TGIF1: variants seen among roughly 807,000 people sequenced by gnomAD.
TGIF1 encodes homeobox protein TGIF1.
TGIF1 carries 4 observed loss-of-function variants against 19.3 expected under a neutral mutation model. That is an observed-to-expected ratio of 0.21 (90% confidence interval 0.10 to 0.47). The LOEUF is 0.47. TGIF1 is among the 20% of genes least tolerant of loss of function. The pLI is 0.98. For missense variants in TGIF1, 275 were observed against 341.4 expected, an observed-to-expected ratio of 0.81 and a Z score of 1.53; for synonymous variants, 122 against 129.3, an observed-to-expected ratio of 0.94 and a Z score of 0.38.
upstream of TGIF1, chr18:3,448,362 C>T (rs1360640457): frequency 2.0e-6 from 2 of 1,008,406 alleles, no homozygotes; most frequent in African/African-American, 3.5e-5. Flanking sequence ...AGGCGGCCCC[C>T]TCTAACGGGC....
chr18:3,416,697 A>T (rs2143110975), intron 1 of TGIF1, among the ~76,000 whole-genome samples: 1 of 152,140 alleles, frequency 6.6e-6, no homozygotes, highest in South Asian at 2.1e-4. Flanking sequence ...TTGGGAGGCC[A>T]AGAGGGGGCA....
chr18:3,430,081 G>A (rs1182858754), intron 2 of TGIF1, among the ~76,000 whole-genome samples: 1 of 152,214 alleles, frequency 6.6e-6, no homozygotes, highest in Non-Finnish European at 1.5e-5. Flanking sequence ...GCTTGAAATT[G>A]GGAGGCAGGG....
chr18:3,429,674 G>C (rs2082521545), intron 2 of TGIF1, among the ~76,000 whole-genome samples: 1 of 152,164 alleles, frequency 6.6e-6, no homozygotes, highest in African/African-American at 2.4e-5. Context: ...AGTGACCAAA[G>C]CATGATGTTA....
chr18:3,422,190 T>TCA (rs2082408024), intron 2 of TGIF1, among the ~76,000 whole-genome samples: 1 of 121,038 alleles, frequency 8.3e-6, no homozygotes, highest in African/African-American at 2.9e-5. Context: ...TGAGACACCG[T>TCA]AAAAAAAAAA....
In TGIF1 at chr18:3,457,151, A is replaced by AT; in HGVS notation, c.244-211dup. Reference sequence around the variant, plus strand: ...TAAGTATGAAGAGACAAAAAAGGAAATTTGTATTAGAAACTAGAAGGCTTA... The same window carrying AT: ...TAAGTATGAAGAGACAAAAAAGGAAATTTTGTATTAGAAACTAGAAGGCTTA... On this transcript the variant is annotated intron_variant, in intron 2 of 2. Coordinates refer to ENST00000343820, the MANE Select transcript of TGIF1 (RefSeq NM_003244.4). This position sits in a 1 kb window ranked among gnomAD's most constrained non-coding sequence, Gnocchi z 4.9. 6 of 628,346 alleles carry AT rather than the reference A, an allele frequency of 9.5e-6. No individual in the cohort carries two copies. In the South Asian group the frequency reaches 1.2e-4, roughly 13 times the overall value. The allele number at this position is 628,346 out of a possible 1,614,324, so 38.9% of individuals were successfully genotyped here.
chr18:3,419,336 C>A (rs2082371211), intron 2 of TGIF1, among the ~76,000 whole-genome samples: 1 of 152,136 alleles, frequency 6.6e-6, no homozygotes. Flanking sequence ...CAGATTATGA[C>A]CCCTGCTTTA....
chr18:3,441,824 C>T (rs2082680079), intron 2 of TGIF1, among the ~76,000 whole-genome samples: 1 of 152,122 alleles, frequency 6.6e-6, no homozygotes, highest in South Asian at 2.1e-4. Flanking sequence ...AATCTGCCTC[C>T]TTATTGTTTC....
upstream of TGIF1, chr18:3,447,832 T>C (rs1292661894): frequency 6.2e-7 from 1 of 1,613,202 alleles, no homozygotes; most frequent in Admixed American, 1.7e-5. Context: ...CTCCCCCTAA[T>C]TCGAAAGAGG....
At chr18:3,442,759 G>A (rs1318326958) in intron 2 of TGIF1, among the ~76,000 whole-genome samples, 1 of 151,998 alleles carries the variant, frequency 6.6e-6, no homozygotes. Flanking sequence ...AAAAAATAAT[G>A]TTATGAATAA....
At chr18:3,420,191 G>C (rs1238911890) in intron 2 of TGIF1, among the ~76,000 whole-genome samples, 1 of 151,936 alleles carries the variant, frequency 6.6e-6, no homozygotes, top group Non-Finnish European at 1.5e-5. Context: ...GACCATCCTG[G>C]CCAACATGAT....
intron 1 of TGIF1, among the ~76,000 whole-genome samples, chr18:3,450,935 G>A (rs893792310): frequency 6.6e-6 from 1 of 152,036 alleles, no homozygotes; most frequent in African/African-American, 2.4e-5. Context: ...GGACCGCCGC[G>A]GCTTTGTCTG....
At chr18:3,427,707 C>A (rs1287224135) in intron 2 of TGIF1, among the ~76,000 whole-genome samples, 1 of 150,814 alleles carries the variant, frequency 6.6e-6, no homozygotes, top group Non-Finnish European at 1.5e-5. Flanking sequence ...TCAAGCAATT[C>A]TCCTGCCTCA....
At chr18:3,445,723 CAAA>C (rs141550400), upstream of TGIF1, among the ~76,000 whole-genome samples, 102 of 17,682 alleles carry the variant, frequency 5.8e-3, no homozygotes, top group African/African-American at 0.021. Context: ...GACTCTGTCT[CAAA>C]AAAAAAAAAA....
At chr18:3,450,570 G>A in intron 1 of TGIF1, 65 bp downstream of exon 1, 3 of 1,549,272 alleles carry the variant, frequency 1.9e-6, no homozygotes, top group Non-Finnish European at 2.6e-6. Flanking sequence ...TGGCCGGGCC[G>A]CGCCGCGCGG....
chr18:3,457,772 G>A lies in TGIF1; in HGVS notation c.651G>A (p.Glu217=), dbSNP rs778489475. 3.7e-6 allele frequency: 6 copies of A among 1,614,058 alleles called. No homozygotes were observed. Among genetic ancestry groups the A allele is most frequent in the Non-Finnish European group, 2.5e-6 (3 of 1,180,022 alleles). ...CAGACACCTCTCTCATGTACCCAGAGGACACTTGTAAATCTGGACCAAGTA... is the reference window on the plus strand; with the variant it reads ...CAGACACCTCTCTCATGTACCCAGAAGACACTTGTAAATCTGGACCAAGTA... ...NFTDTSLMYP[E]DTCKSGPSTN... Residue 217 remains glutamate, a synonymous_variant, in exon 3 of 3, where the codon GAG becomes GAA. Coordinates refer to ENST00000343820, the MANE Select transcript of TGIF1 (RefSeq NM_003244.4). The surrounding 1 kb of genome is among the most constrained non-coding windows in gnomAD (Gnocchi z 4.9).
At chr18:3,443,441 CTT>C (rs1481428710) in intron 2 of TGIF1, among the ~76,000 whole-genome samples, 2 of 150,852 alleles carry the variant, frequency 1.3e-5, no homozygotes, top group Non-Finnish European at 2.9e-5. Flanking sequence ...GGGTTTCGCT[CTT>C]GTCTCCCAGA....
At chr18:3,423,418 G>A (rs936944877) in intron 2 of TGIF1, among the ~76,000 whole-genome samples, 3 of 152,024 alleles carry the variant, frequency 2.0e-5, no homozygotes, top group Admixed American at 6.6e-5. Context: ...AGTGGCTCAC[G>A]CTTGTAATCC....
Position 3,450,221 on chromosome 18 carries a change from G to C in TGIF1, c.-269G>C. On this transcript the variant is annotated 5_prime_UTR_variant, in exon 1 of 3. Transcript: ENST00000343820. Reference sequence around the variant, plus strand: ...GAGCAGGAGCAGGGAACAAAGGAGCGGAGAGGGGAGGGGAGAGAGTTGGGC... The same window carrying C: ...GAGCAGGAGCAGGGAACAAAGGAGCCGAGAGGGGAGGGGAGAGAGTTGGGC... 1 of 1,408,170 alleles carries C rather than the reference G, an allele frequency of 7.1e-7. No individual in the cohort carries two copies. Among genetic ancestry groups the C allele is most frequent in the Non-Finnish European group, 9.2e-7 (1 of 1,084,292 alleles). 87.2% of individuals were successfully genotyped at this position (1,408,170 alleles called of 1,614,324 possible). A position where few individuals can be genotyped will look rare whatever the true frequency, so the allele number is the denominator to read the frequency against.
chr18:3,450,362 C>T lies in TGIF1; in HGVS notation c.-128C>T. On this transcript the variant is annotated 5_prime_UTR_variant, in exon 1 of 3. It adds an upstream start codon to the 5' untranslated region. Coordinates refer to ENST00000343820, the MANE Select transcript of TGIF1 (RefSeq NM_003244.4). ...ATCAGAGCGTCCTGTTTAGCAATAA[C>T]GGCTGGAGCACGTCCTACAAGTTAC... is the stretch of plus-strand genomic sequence containing the variant. 1 of 1,518,484 alleles carries T rather than the reference C, an allele frequency of 6.6e-7. No individual in the cohort carries two copies. The highest frequency in any genetic ancestry group is 8.9e-7 in the Non-Finnish European group (1 of 1,129,690). The allele number at this position is 1,518,484 out of a possible 1,614,324, so 94.1% of individuals were successfully genotyped here.
Sources: gnomAD v4.1 joint callset for allele counts (sites outside exome capture counted in the v4.1 genomes callset) on GRCh38, gnomAD v4.1.1 for gene constraint, Gnocchi (gnomAD v3.1) non-coding constraint, MANE v1.5 for transcripts, NCBI Gene and HGNC (gene_info 2026-07-23, HGNC 2026-07-21) for gene names.